Variants in CCDC7 observed in about 807,000 individuals in gnomAD.
The protein encoded by CCDC7 is coiled-coil domain-containing protein 7.
CCDC7 carries 183 observed loss-of-function variants against 196.9 expected under a neutral mutation model. The observed-to-expected ratio is 0.93, with a 90% CI of 0.82 to 1.05. CCDC7 has a LOEUF of 1.05. Among genes scored for constraint, CCDC7 ranks in the 50% least tolerant of loss-of-function variants. CCDC7 has a pLI of 0.00. For synonymous variants in CCDC7, 525 were observed against 484.6 expected, an observed-to-expected ratio of 1.08 and a Z score of -1.10; for missense variants, 1,540 against 1,482.2, an observed-to-expected ratio of 1.04 and a Z score of -0.64.
chr10:32,824,146 A>G (rs191594509), intron 31 of CCDC7, among the ~76,000 whole-genome samples: 1 of 152,254 alleles, frequency 6.6e-6, no homozygotes, highest in East Asian at 1.9e-4. Context: ...TGTTCTTAAT[A>G]TATACTTGAA....
intron 21 of CCDC7, among the ~76,000 whole-genome samples, chr10:32,671,792 G>T (rs941657148): frequency 6.6e-6 from 1 of 152,078 alleles, no homozygotes; most frequent in African/African-American, 2.4e-5. Flanking sequence ...TGCAGTTCTG[G>T]CACTCATGAG....
intron 13 of CCDC7, among the ~76,000 whole-genome samples, chr10:32,564,414 A>G (rs1012494892): frequency 6.6e-6 from 1 of 152,224 alleles, no homozygotes; most frequent in African/African-American, 2.4e-5. Flanking sequence ...ATGTCCAACA[A>G]CGATAGACTG....
chr10:32,506,044 G>T (rs2135149872), intron 9 of CCDC7, among the ~76,000 whole-genome samples: 1 of 147,530 alleles, frequency 6.8e-6, no homozygotes, highest in East Asian at 2.1e-4. Flanking sequence ...GCTGGGCAGA[G>T]ACGCTCCTCA....
At chr10:32,810,506 T>C (rs1446625340) in intron 30 of CCDC7, among the ~76,000 whole-genome samples, 1 of 152,022 alleles carries the variant, frequency 6.6e-6, no homozygotes, top group Non-Finnish European at 1.5e-5. Flanking sequence ...CATTGAAGCA[T>C]CCAGATATAT....
rs80180581 is a variant in CCDC7 at position 32,469,927 on chromosome 10, G to T, written c.511-1137G>T. The stretch of plus-strand genomic sequence containing the variant: ...CCACTATCACAGACAAGACAATGAA[G>T]AATAGATTTTTGAGATGAGATGCAG... On this transcript the variant is annotated intron_variant, in intron 5 of 41. Transcript: ENST00000639629. Among the ~76,000 whole-genome samples the T allele has an allele frequency of 7.9e-3, 1,206 of 152,188 alleles. 7 individuals carry two copies. The highest frequency in any genetic ancestry group is 0.02 in the Middle Eastern group (6 of 294).
intron 28 of CCDC7, among the ~76,000 whole-genome samples, chr10:32,736,848 T>C (rs377014201): frequency 6.6e-6 from 1 of 152,186 alleles, no homozygotes; most frequent in Non-Finnish European, 1.5e-5. Flanking sequence ...ATATTTATTT[T>C]ATTCTCTTTT....
chr10:32,792,854 A>G (rs1239420125), intron 29 of CCDC7, among the ~76,000 whole-genome samples: 1 of 152,200 alleles, frequency 6.6e-6, no homozygotes, highest in Non-Finnish European at 1.5e-5. Context: ...ACAAACAATA[A>G]AGAGAAAAGA....
intron 13 of CCDC7, among the ~76,000 whole-genome samples, chr10:32,546,871 A>G (rs2052549302): frequency 6.6e-6 from 1 of 152,182 alleles, no homozygotes; most frequent in Non-Finnish European, 1.5e-5. Context: ...AGTGGATGTG[A>G]TAAACTTCAG....
rs144686579 is a variant in CCDC7, at chr10:32,655,137, T to A, written c.2015-8917T>A. ...CTAGGAATGGTGCTTTTGGGGATCC[T>A]CAAACTTATTTTGCCCTCTCTAGGG... On this transcript the variant is annotated intron_variant, in intron 20 of 41. Transcript: ENST00000639629. Among the ~76,000 whole-genome samples, 22 of 152,312 alleles carry A rather than the reference T, an allele frequency of 1.4e-4. No individual in the cohort carries two copies. The East Asian group carries it at 4.1e-3, about 28-fold the overall frequency.
chr10:32,514,654 G>A (rs1002267550), intron 9 of CCDC7: 1 of 152,144 alleles, frequency 6.6e-6, no homozygotes, highest in Non-Finnish European at 1.5e-5. Context: ...CATTTCAAAA[G>A]TGAAATAAAG....
chr10:32,828,926 C>T (rs537548207), intron 32 of CCDC7, among the ~76,000 whole-genome samples: 5 of 152,166 alleles, frequency 3.3e-5, no homozygotes, highest in South Asian at 2.1e-4. Flanking sequence ...GAGGGAGGAA[C>T]GCTGCCACCA....
chr10:32,874,380 A>G (rs1451346637), intron 41 of CCDC7, among the ~76,000 whole-genome samples: 2 of 151,448 alleles, frequency 1.3e-5, no homozygotes, highest in African/African-American at 4.8e-5. Flanking sequence ...TGCACCCATC[A>G]CCTGAGTTGT....
At chr10:32,543,825 A>T (rs1021112832) in intron 12 of CCDC7, among the ~76,000 whole-genome samples, 2 of 151,904 alleles carry the variant, frequency 1.3e-5, no homozygotes, top group Admixed American at 6.5e-5. Flanking sequence ...TTATTAAGTA[A>T]ATATTTTCTT....
Position 32,544,240 on chromosome 10 carries a change from G to A in CCDC7, c.1080-7G>A. 6.3e-7 allele frequency: 1 copy of A among 1,599,160 alleles called. No homozygotes were observed. The highest frequency in any genetic ancestry group is 8.5e-7 in the Non-Finnish European group (1 of 1,172,416). ...CATGATGCATTTTAAAACATTTTAT[G>A]TTACAGGAAGATGTCTCCAGAAAAA... On this transcript the variant is annotated splice_polypyrimidine_tract_variant and splice_region_variant and intron_variant, in intron 12 of 41. Coordinates refer to ENST00000639629, the Ensembl canonical transcript of CCDC7.
intron 29 of CCDC7, among the ~76,000 whole-genome samples, chr10:32,782,125 G>A (rs2081150889): frequency 6.6e-6 from 1 of 152,062 alleles, no homozygotes; most frequent in South Asian, 2.1e-4. Context: ...CAAAAGACTT[G>A]TATACTGAAA....
At chr10:32,557,052 A>C (rs1279543451) in intron 13 of CCDC7, among the ~76,000 whole-genome samples, 1 of 152,166 alleles carries the variant, frequency 6.6e-6, no homozygotes, top group Non-Finnish European at 1.5e-5. Context: ...CTTTTGTTTT[A>C]TAGATGCTGT....
At chr10:32,602,017 A>G (rs1236518284) in intron 18 of CCDC7, among the ~76,000 whole-genome samples, 2 of 152,092 alleles carry the variant, frequency 1.3e-5, no homozygotes, top group African/African-American at 2.4e-5. Context: ...GTCCCCTTCC[A>G]CACTGTGGAA....
intron 18 of CCDC7, among the ~76,000 whole-genome samples, chr10:32,594,085 G>A (rs2060059765): frequency 6.6e-6 from 1 of 152,166 alleles, no homozygotes; most frequent in Non-Finnish European, 1.5e-5. Flanking sequence ...ATTCTGTGAA[G>A]AAAGTCATTG....
At chr10:32,631,469 G>A (rs974732200) in intron 18 of CCDC7, among the ~76,000 whole-genome samples, 5 of 152,016 alleles carry the variant, frequency 3.3e-5, no homozygotes, top group African/African-American at 1.2e-4. Context: ...ATAAATGTAA[G>A]GGTTTGTTTC....
Sources: allele counts gnomAD v4.1 joint callset (sites outside exome capture counted in the v4.1 genomes callset), GRCh38; gene constraint gnomAD v4.1.1; transcripts MANE v1.5; gene names NCBI Gene and HGNC (gene_info 2026-07-23, HGNC 2026-07-21).